Variants in NBN observed in about 807,000 individuals in gnomAD.
The protein encoded by NBN is nibrin, also known as Nijmegen breakage syndrome 1 (nibrin).
A neutral mutation model predicts 90.8 loss-of-function variants in NBN; 88 were observed. The observed-to-expected ratio is 0.97, with a 90% confidence interval of 0.82 to 1.16. The LOEUF is 1.16. Among genes scored for constraint, NBN ranks in the 50% most tolerant of loss-of-function variants. NBN has a pLI of 0.00. For missense variants in NBN, 894 were observed against 869.6 expected, an observed-to-expected ratio of 1.03 and a Z score of -0.35; for synonymous variants, 328 against 295.1, an observed-to-expected ratio of 1.11 and a Z score of -1.14.
intron 9 of NBN, among the ~76,000 whole-genome samples, chr8:89,958,387 T>C (rs150599626): frequency 6.6e-6 from 1 of 152,330 alleles, no homozygotes; most frequent in East Asian, 1.9e-4. Context: ...GCCAAAATTG[T>C]GTAAGGAAGC....
Position 89,958,768 on chromosome 8 carries a change from T to C in NBN, c.1081A>G (p.Thr361Ala), listed in dbSNP as rs1563538728. ...GATTCTGTGTCAGCTACGTATGTTG[T>C]AGTGTTCACTGGGGCGCTTGGCATT... ...KLMPSAPVNT[T>A]TYVADTESEQ... The change falls in exon 9 of 16, where the codon ACA (threonine) becomes GCA (alanine). Residue 361 changes from threonine (T) to alanine (A), a missense_variant. Transcript: ENST00000265433. The C allele has an allele frequency of 1.2e-6, 2 of 1,614,154 alleles. No individual in the cohort carries two copies. The highest frequency in any genetic ancestry group is 1.7e-4 in the Middle Eastern group (1 of 6,060).
chr8:89,969,476 T>G (rs1811403693), intron 7 of NBN, among the ~76,000 whole-genome samples: 1 of 152,224 alleles, frequency 6.6e-6, no homozygotes, highest in African/African-American at 2.4e-5. Context: ...ATGCAACATA[T>G]TCTGTAAAAA....
chr8:89,950,152 T>C (rs968064913), intron 11 of NBN, among the ~76,000 whole-genome samples: 2 of 152,218 alleles, frequency 1.3e-5, no homozygotes, highest in African/African-American at 2.4e-5. Flanking sequence ...TACAGATTCT[T>C]ACTAAAAATA....
At chr8:89,971,380 C>T (rs1811513343) in intron 5 of NBN, 90 bp from the exon 6 acceptor site, 11 of 1,346,536 alleles carry the variant, frequency 8.2e-6, no homozygotes, top group Non-Finnish European at 1.0e-5. Flanking sequence ...ACTCAAAAGG[C>T]ATAATTTCCA....
At chr8:89,972,695 T>A (rs149687934) in intron 5 of NBN, among the ~76,000 whole-genome samples, 101 of 152,314 alleles carry the variant, frequency 6.6e-4, no homozygotes, top group African/African-American at 2.3e-3. Context: ...AAAAGCCAAC[T>A]AACACTTTAC....
At chr8:89,947,930 A>T (rs777539850) in intron 11 of NBN, 38 bp from the exon 12 acceptor site, 1 of 1,235,088 alleles carries the variant, frequency 8.1e-7, no homozygotes. Flanking sequence ...TCATAGGAGT[A>T]ATAAAATGGT....
chr8:89,947,630 AAAAT>A (rs1229728520), intron 12 of NBN, among the ~76,000 whole-genome samples, 190 bp downstream of exon 12: 2 of 152,092 alleles, frequency 1.3e-5, no homozygotes, highest in African/African-American at 4.8e-5. Context: ...ATTCCGTCTC[AAAAT>A]AAATAAATAA....
At chr8:89,963,533 GAAAT>G (rs1257575381) in intron 8 of NBN, among the ~76,000 whole-genome samples, 2 of 152,114 alleles carry the variant, frequency 1.3e-5, no homozygotes, top group East Asian at 3.8e-4. Flanking sequence ...AAGAAGAAAA[GAAAT>G]AAACCATTTT....
rs552505103 is a variant in NBN, at chr8:89,972,629, T to A, written c.585-1339A>T. 5.2e-5 allele frequency among the ~76,000 whole-genome samples: 8 copies of A among 152,386 alleles called. No homozygotes were observed. The East Asian group carries it at 1.3e-3, about 26-fold the overall frequency. ...ATTTTAATATCTCTTTGAATCCTTTTTATCCTTTATCTCCTAATAAATATT... is the reference window on the plus strand; with the variant it reads ...ATTTTAATATCTCTTTGAATCCTTTATATCCTTTATCTCCTAATAAATATT... On this transcript the variant is annotated intron_variant, in intron 5 of 15. Coordinates refer to ENST00000265433, the MANE Select transcript of NBN (RefSeq NM_002485.5).
In NBN at chr8:89,978,212, T is replaced by C. The variant is rs1554566597; in HGVS notation, c.584+8A>G. 6.3e-7 allele frequency: 1 copy of C among 1,595,092 alleles called. No individual in the cohort carries two copies. Among genetic ancestry groups the C allele is most frequent in the South Asian group, 1.1e-5 (1 of 90,604 alleles). On this transcript the variant is annotated splice_region_variant and intron_variant, in intron 5 of 15. Transcript: ENST00000265433. ...GACATCTTGTTATATTTAAAATACA[T>C]AATATACCTTTCAATTTGTGGAGGC...
At chr8:89,957,133 C>A (rs776367826) in intron 9 of NBN, among the ~76,000 whole-genome samples, 16 of 152,144 alleles carry the variant, frequency 1.1e-4, no homozygotes, top group Non-Finnish European at 1.8e-4. Flanking sequence ...CAGTCTCAGG[C>A]AGTCCCTTCA....
chr8:89,984,501 C>T, intron 1 of NBN, 24 bp downstream of exon 1: 2 of 1,608,590 alleles, frequency 1.2e-6, no homozygotes, highest in Non-Finnish European at 8.5e-7. Flanking sequence ...AAAATAGGCC[C>T]CGAGGCTTCC....
chr8:89,939,547 G>A (rs1254075594), intron 14 of NBN, among the ~76,000 whole-genome samples: 1 of 150,968 alleles, frequency 6.6e-6, no homozygotes, highest in Non-Finnish European at 1.5e-5. Flanking sequence ...ATTAATCAAG[G>A]AGAAGAGTTT....
chr8:89,958,973 A>G (rs1810866946), intron 8 of NBN, 119 bp from the exon 9 acceptor site: 2 of 1,341,402 alleles, frequency 1.5e-6, no homozygotes, highest in South Asian at 1.2e-5. Context: ...AATACTGCAC[A>G]TGGTTTTCTC....
At chr8:89,983,468 T>C (rs1812173094) in intron 1 of NBN, among the ~76,000 whole-genome samples, 1 of 150,878 alleles carries the variant, frequency 6.6e-6, no homozygotes, top group South Asian at 2.1e-4. Context: ...GTGAATAATA[T>C]AATAGGAGCT....
In NBN at chr8:89,953,388, G is replaced by A. The variant is rs730881853; in HGVS notation, c.1701C>T (p.Phe567=). The change falls in exon 11 of 16, where the codon TTC becomes TTT. Residue 567 remains phenylalanine, a synonymous_variant. Coordinates refer to ENST00000265433, the MANE Select transcript of NBN (RefSeq NM_002485.5). Reference sequence around the variant, plus strand: ...TTTCTAACTCTGGTTTTGTGTCCTTGAATAACTGTTCCAATACTTCATCTT... The same window carrying A: ...TTTCTAACTCTGGTTTTGTGTCCTTAAATAACTGTTCCAATACTTCATCTT... ...AIEDEVLEQL[F]KDTKPELEID... is the part of the protein sequence containing the mutation. The A allele has an allele frequency of 1.9e-6, 3 of 1,613,526 alleles. No homozygotes were observed. The highest frequency in any genetic ancestry group is 2.2e-5 in the South Asian group (2 of 91,072).
intron 9 of NBN, among the ~76,000 whole-genome samples, chr8:89,955,960 T>C (rs1207524691): frequency 3.3e-5 from 5 of 151,740 alleles, no homozygotes; most frequent in African/African-American, 4.8e-5. Context: ...TATATTATTA[T>C]AGTACCTTTT....
At chr8:89,962,698 T>C (rs2129772966) in intron 8 of NBN, among the ~76,000 whole-genome samples, 1 of 152,316 alleles carries the variant, frequency 6.6e-6, no homozygotes, top group African/African-American at 2.4e-5. Context: ...CTTACGACTG[T>C]GTGTATTTGA....
Position 89,955,528 on chromosome 8 carries a change from G to C in NBN, c.1152C>G (p.Ile384Met), listed in dbSNP as rs551802153. 10 of 1,613,164 alleles carry C rather than the reference G, an allele frequency of 6.2e-6. No homozygotes were observed. Among genetic ancestry groups the C allele is most frequent in the Non-Finnish European group, 8.5e-6 (10 of 1,179,704 alleles). Residue 384 changes from isoleucine to methionine, a missense_variant, in exon 10 of 16, where the codon ATC becomes ATG. Transcript: ENST00000265433. ...ATTTTTGTTCCATTTTGGAGACTTT[G>C]ATTTCTTTTGGCCTTTCACTCAAAT... Reference protein sequence around the residue: ...TWDLSERPKEIKVSKMEQKFR... With the variant: ...TWDLSERPKEMKVSKMEQKFR...
Sources: allele counts gnomAD v4.1 joint callset (sites outside exome capture counted in the v4.1 genomes callset), GRCh38; gene constraint gnomAD v4.1.1; transcripts MANE v1.5; gene names NCBI Gene and HGNC (gene_info 2026-07-23, HGNC 2026-07-21).